PROM1: variants seen among roughly 807,000 people sequenced by gnomAD.
PROM1 encodes the protein prominin-1.
A neutral mutation model predicts 116.9 loss-of-function variants in PROM1; 105 were observed. The observed-to-expected ratio is 0.90, with a 90% CI of 0.77 to 1.06. The LOEUF (loss-of-function observed/expected upper bound fraction) is 1.06. Among genes scored for constraint, PROM1 ranks in the 50% least tolerant of loss-of-function variants. PROM1 has a pLI of 0.00. For synonymous variants in PROM1, 393 were observed against 387.0 expected (o/e 1.02, Z -0.18); for missense variants, 1,122 against 1,045.2 (o/e 1.07, Z -1.01).
At chr4:16,069,438 T>C (rs1178649407) in intron 2 of PROM1, among the ~76,000 whole-genome samples, 1 of 152,248 alleles carries the variant, frequency 6.6e-6, no homozygotes, top group Non-Finnish European at 1.5e-5. Flanking sequence ...GACAATCTTT[T>C]ACAATGCATA....
chr4:16,075,578 A>G, intron 2 of PROM1, 109 bp downstream of exon 2: 1 of 1,102,272 alleles, frequency 9.1e-7, no homozygotes, highest in Non-Finnish European at 1.3e-6. Context: ...TGTGCAAAGC[A>G]ATCGCTAAAA....
At chr4:15,984,779 TG>T (rs1718911348) in intron 22 of PROM1, among the ~76,000 whole-genome samples, 1 of 152,082 alleles carries the variant, frequency 6.6e-6, no homozygotes, top group Non-Finnish European at 1.5e-5. Flanking sequence ...TTACTCCCAC[TG>T]ATTCTACACT....
rs754063410 is a variant in PROM1, at chr4:16,075,848, C to T, written c.59G>A (p.Gly20Glu). ...AGCATCTGTGGATGAAGGCTGCCCT[C>T]CTGAAAAGGAGTTCCCGCACAGCCC... ...LLGLCGNSFS[G>E]GQPSSTDAPK... The change falls in exon 2 of 28, where the codon GGA becomes GAA. Residue 20 changes from glycine to glutamate, a missense_variant. Gly to Glu is a moderately conservative substitution (Grantham distance 98, BLOSUM62 -2). Transcript: ENST00000447510. 1.2e-6 allele frequency: 2 copies of T among 1,613,656 alleles called. No homozygotes were observed. The highest frequency in any genetic ancestry group is 2.7e-5 in the African/African-American group (2 of 74,912).
At chr4:16,043,727 G>A (rs959431114) in intron 2 of PROM1, among the ~76,000 whole-genome samples, 1 of 152,192 alleles carries the variant, frequency 6.6e-6, no homozygotes, top group African/African-American at 2.4e-5. Context: ...AGGGGAGCCT[G>A]CTCTTGAGAG....
At chr4:16,011,774 A>C (rs1726937456) in intron 11 of PROM1, among the ~76,000 whole-genome samples, 1 of 152,190 alleles carries the variant, frequency 6.6e-6, no homozygotes. Flanking sequence ...TGCAAAAGGA[A>C]ACCCACAAAA....
At chr4:15,980,946 G>GTTAGTTATTTATTTAT (rs146080181) in intron 23 of PROM1, among the ~76,000 whole-genome samples, 2 of 145,140 alleles carry the variant, frequency 1.4e-5, no homozygotes, top group Non-Finnish European at 3.0e-5. Flanking sequence ...CTTATGAGTT[G>GTTAGTTATTTATTTAT]TTATTTATTT....
chr4:15,971,357 A>T lies in PROM1; in HGVS notation c.2583-275T>A, dbSNP rs1411304194. 7.6e-6 allele frequency: 3 copies of T among 394,338 alleles called. No homozygotes were observed. In the East Asian group the frequency reaches 1.2e-4, roughly 15 times the overall value. 24.4% of individuals were successfully genotyped at this position (394,338 alleles called of 1,614,324 possible). A position where few individuals can be genotyped will look rare whatever the true frequency, so the allele number is the denominator to read the frequency against. Reference sequence around the variant, plus strand: ...TCACAATCTAAGGTTAAAAGTGTTAAGAGTCACTAAGAATACGTGTTGAAG... The same window carrying T: ...TCACAATCTAAGGTTAAAAGTGTTATGAGTCACTAAGAATACGTGTTGAAG... On this transcript the variant is annotated intron_variant, in intron 26 of 27. Coordinates refer to ENST00000447510, the MANE Select transcript of PROM1 (RefSeq NM_006017.3).
chr4:16,007,241 G>A (rs1725751298), intron 12 of PROM1, among the ~76,000 whole-genome samples: 1 of 152,114 alleles, frequency 6.6e-6, no homozygotes, highest in Non-Finnish European at 1.5e-5. Flanking sequence ...AGATGCATGG[G>A]GTATTTAGAA....
intron 20 of PROM1, among the ~76,000 whole-genome samples, chr4:15,986,899 T>C (rs1719556954): frequency 6.6e-6 from 1 of 152,204 alleles, no homozygotes; most frequent in Non-Finnish European, 1.5e-5. Flanking sequence ...TTCCGTTCAA[T>C]GAAAAAATAT....
chr4:15,990,070 C>A (rs538752076), intron 18 of PROM1, among the ~76,000 whole-genome samples: 49 of 152,286 alleles, frequency 3.2e-4, no homozygotes, highest in African/African-American at 1.1e-3. Flanking sequence ...AGACTGTGTT[C>A]TCTCCACCTC....
intron 26 of PROM1, among the ~76,000 whole-genome samples, chr4:15,978,099 G>C (rs545554132): frequency 1.3e-5 from 2 of 152,266 alleles, no homozygotes; most frequent in Non-Finnish European, 2.9e-5. Context: ...GATTTGGCAA[G>C]ACAACGCCAC....
intron 5 of PROM1, among the ~76,000 whole-genome samples, chr4:16,031,325 T>C (rs11730129): frequency 0.74 from 111,866 of 151,766 alleles, 41,596 homozygotes; most frequent in Middle Eastern, 0.82. Flanking sequence ...TAGACAAATG[T>C]GGCGTGTAAG....
intron 11 of PROM1, among the ~76,000 whole-genome samples, chr4:16,012,501 C>T (rs1413289861): frequency 6.6e-6 from 1 of 152,214 alleles, no homozygotes; most frequent in African/African-American, 2.4e-5. Context: ...TAAAATACTA[C>T]TGCCTCAGCA....
At position 15,985,765 on chromosome 4, in the gene PROM1, A is replaced by G; in HGVS notation, c.2275T>C (p.Phe759Leu). ...ATAAAAGATAAACTACTTACAGAGA[A>G]CTCGATCCACTGCAGATAATGTTCA... Reference protein sequence around the residue: ...YFEHYLQWIEFSISEKVASCK... With the variant: ...YFEHYLQWIELSISEKVASCK... Residue 759 changes from phenylalanine (F) to leucine (L), a missense_variant, in exon 22 of 28, where the codon TTC (phenylalanine) becomes CTC (leucine). Physicochemically the swap from Phe to Leu is conservative, Grantham distance 22. Coordinates refer to ENST00000447510, the MANE Select transcript of PROM1 (RefSeq NM_006017.3). 6.4e-7 allele frequency: 1 copy of G among 1,561,162 alleles called. No homozygotes were observed. The highest frequency in any genetic ancestry group is 8.8e-7 in the Non-Finnish European group (1 of 1,136,222).
intron 1 of PROM1, chr4:16,076,651 T>G (rs1161369288): frequency 6.5e-6 from 1 of 153,434 alleles, no homozygotes; most frequent in African/African-American, 2.4e-5. Context: ...TTCAGTGCCC[T>G]CCCTAATGTG....
In PROM1 at chr4:16,026,685, T is replaced by C. The variant is rs180751854; in HGVS notation, c.510-1373A>G. Among the ~76,000 whole-genome samples the C allele has an allele frequency of 9.8e-5, 15 of 152,338 alleles. No individual in the cohort carries two copies. The East Asian group carries it at 2.7e-3, about 27-fold the overall frequency. On this transcript the variant is annotated intron_variant, in intron 5 of 27. Coordinates refer to ENST00000447510, the MANE Select transcript of PROM1 (RefSeq NM_006017.3). ...ACAGTTATTCACCCCACTTATAGTA[T>C]AAATACATTCCAAGGAGCATTGGTT...
chr4:15,985,857 C>T, intron 21 of PROM1, 29 bp from the exon 22 acceptor site: 1 of 134,228 alleles, frequency 7.5e-6, no homozygotes, highest in Non-Finnish European at 1.4e-5. Context: ...TGAGTAGAAG[C>T]ATTAAAATGA....
chr4:15,974,740 G>A (rs935184628), intron 26 of PROM1, among the ~76,000 whole-genome samples: 2 of 152,136 alleles, frequency 1.3e-5, no homozygotes, highest in Admixed American at 1.3e-4. Context: ...CAAGGTGCTG[G>A]GATTAAAGGC....
At chr4:16,052,690 A>C (rs1386434797) in intron 2 of PROM1, among the ~76,000 whole-genome samples, 1 of 152,152 alleles carries the variant, frequency 6.6e-6, no homozygotes, top group African/African-American at 2.4e-5. Context: ...CGTGTTGCCT[A>C]GGTTGGTGTC....
Sources: gnomAD v4.1 joint callset for allele counts (sites outside exome capture counted in the v4.1 genomes callset) on GRCh38, gnomAD v4.1.1 for gene constraint, MANE v1.5 for transcripts, NCBI Gene and HGNC (gene_info 2026-07-23, HGNC 2026-07-21) for gene names.